XIRP2: variants seen among roughly 807,000 people sequenced by gnomAD.
XIRP2 encodes xin actin binding repeat containing 2.
In XIRP2, 236 loss-of-function variants were observed where a neutral mutation model predicts 277.0. The observed-to-expected ratio is 0.85, with a 90% confidence interval of 0.77 to 0.95. The LOEUF is 0.95. Among genes scored for constraint, XIRP2 ranks in the 40% least tolerant of loss-of-function variants. XIRP2 has a pLI of 0.00. For synonymous variants in XIRP2, 1,490 were observed against 1,416.5 expected (o/e 1.05, Z -1.17); for missense variants, 4,640 against 4,157.5 (o/e 1.12, Z -3.19).
At chr2:167,004,235 A>T (rs1454054360) in intron 2 of XIRP2, among the ~76,000 whole-genome samples, 1 of 151,882 alleles carries the variant, frequency 6.6e-6, no homozygotes, top group Non-Finnish European at 1.5e-5. Context: ...TTTTAGCTGC[A>T]GGTATGCATA....
chr2:166,897,003 G>A (rs1023905518), intron 1 of XIRP2, among the ~76,000 whole-genome samples: 3 of 152,168 alleles, frequency 2.0e-5, no homozygotes, highest in Non-Finnish European at 4.4e-5. Flanking sequence ...GGCTAGATGT[G>A]TAGTAAGCTA....
intron 3 of XIRP2, among the ~76,000 whole-genome samples, chr2:167,139,909 C>T (rs896787468): frequency 2.0e-5 from 3 of 152,142 alleles, no homozygotes; most frequent in Admixed American, 2.0e-4. Context: ...TGTAAATCGT[C>T]ATGATATTGG....
intron 3 of XIRP2, among the ~76,000 whole-genome samples, chr2:167,163,403 T>C (rs987971131): frequency 6.6e-6 from 1 of 152,214 alleles, no homozygotes; most frequent in African/African-American, 2.4e-5. Flanking sequence ...AATTAGCATT[T>C]TCCTGATGAC....
intron 2 of XIRP2, among the ~76,000 whole-genome samples, chr2:166,939,761 G>A (rs1685647018): frequency 6.6e-6 from 1 of 150,508 alleles, no homozygotes; most frequent in Non-Finnish European, 1.5e-5. Context: ...CTTTAAGAAC[G>A]TTGAATATTG....
chr2:167,073,814 C>A (rs1261117178), intron 2 of XIRP2, among the ~76,000 whole-genome samples: 1 of 152,110 alleles, frequency 6.6e-6, no homozygotes, highest in Non-Finnish European at 1.5e-5. Flanking sequence ...TAATGTCTTT[C>A]ATGCTAAGCA....
At chr2:167,181,152 G>T (rs1692996388) in intron 3 of XIRP2, among the ~76,000 whole-genome samples, 1 of 152,156 alleles carries the variant, frequency 6.6e-6, no homozygotes, top group Non-Finnish European at 1.5e-5. Flanking sequence ...GTGTGCATAG[G>T]TATATAATGA....
At chr2:167,190,438 G>A (rs746593427) in intron 3 of XIRP2, among the ~76,000 whole-genome samples, 13 of 151,862 alleles carry the variant, frequency 8.6e-5, no homozygotes, top group Admixed American at 1.3e-4. Flanking sequence ...AGTCATTCTC[G>A]GGAGACTCCA....
chr2:167,117,204 A>G (rs557972479), intron 2 of XIRP2, among the ~76,000 whole-genome samples: 31 of 152,160 alleles, frequency 2.0e-4, no homozygotes, highest in African/African-American at 7.2e-4. Flanking sequence ...TTTGTGGAGT[A>G]ATTTTGCCTG....
intron 2 of XIRP2, among the ~76,000 whole-genome samples, chr2:166,955,938 G>A (rs147304963): frequency 1.2e-3 from 177 of 151,480 alleles, no homozygotes; most frequent in African/African-American, 4.1e-3. Context: ...CTACATATCT[G>A]GAGTCTCTCA....
intron 5 of XIRP2, among the ~76,000 whole-genome samples, chr2:167,222,360 G>A (rs1396539338): frequency 1.3e-5 from 2 of 152,200 alleles, no homozygotes; most frequent in Non-Finnish European, 2.9e-5. Flanking sequence ...AGAGAGTTAG[G>A]TGGTGGGAAG....
Position 167,206,113 on chromosome 2 carries a change from C to A in XIRP2, c.563-4622C>A, listed in dbSNP as rs1693845846. 3.3e-5 allele frequency among the ~76,000 whole-genome samples: 5 copies of A among 152,260 alleles called. 1 individual carries two copies. The South Asian group carries it at 1.0e-3, about 32-fold the overall frequency. On this transcript the variant is annotated intron_variant, in intron 3 of 10. Transcript: ENST00000409195. Reference sequence around the variant, plus strand: ...TTGTTTCTTTACTACAGACACTCTTCATGTATCTGGATAACTGCAGAATTT... The same window carrying A: ...TTGTTTCTTTACTACAGACACTCTTAATGTATCTGGATAACTGCAGAATTT...
chr2:166,947,232 C>G (rs760517491), intron 2 of XIRP2, among the ~76,000 whole-genome samples: 17 of 152,172 alleles, frequency 1.1e-4, no homozygotes, highest in Non-Finnish European at 2.4e-4. Flanking sequence ...TTTTATAGTA[C>G]CTTTACAACA....
chr2:167,144,183 T>C (rs1032411062), intron 3 of XIRP2, among the ~76,000 whole-genome samples: 4 of 152,104 alleles, frequency 2.6e-5, no homozygotes, highest in Non-Finnish European at 5.9e-5. Context: ...ACACAGATAA[T>C]AATAACACAT....
chr2:167,130,042 A>G (rs1263524233), intron 2 of XIRP2, among the ~76,000 whole-genome samples: 1 of 152,092 alleles, frequency 6.6e-6, no homozygotes, highest in African/African-American at 2.4e-5. Flanking sequence ...AGACTCCACC[A>G]GTACCTCTGG....
chr2:167,114,005 T>A (rs1045796003), intron 2 of XIRP2, among the ~76,000 whole-genome samples: 3 of 152,190 alleles, frequency 2.0e-5, no homozygotes, highest in African/African-American at 7.2e-5. Context: ...GCTTTTAGCC[T>A]GATTTGTTTC....
At chr2:167,111,022 G>C (rs1168560872) in intron 2 of XIRP2, among the ~76,000 whole-genome samples, 1 of 152,066 alleles carries the variant, frequency 6.6e-6, no homozygotes, top group Non-Finnish European at 1.5e-5. Flanking sequence ...CGTTGATTTT[G>C]TATCCTGATG....
intron 3 of XIRP2, chr2:167,187,423 A>G: frequency 1.0e-6 from 1 of 985,324 alleles, no homozygotes; most frequent in Non-Finnish European, 1.2e-6. Flanking sequence ...CTTTCAGGGG[A>G]CTGGGAAATT....
At chr2:167,213,944 C>T (rs982742312) in intron 4 of XIRP2, among the ~76,000 whole-genome samples, 3 of 151,784 alleles carry the variant, frequency 2.0e-5, no homozygotes, top group South Asian at 2.1e-4. Context: ...AAAAATAATC[C>T]GCGGTGGCTC....
intron 2 of XIRP2, among the ~76,000 whole-genome samples, chr2:166,956,576 A>G (rs1448872670): frequency 6.6e-6 from 1 of 151,828 alleles, no homozygotes. Flanking sequence ...TGGTTTAAAT[A>G]ATTACTTGTT....
Sources: allele counts gnomAD v4.1 joint callset (sites outside exome capture counted in the v4.1 genomes callset), GRCh38; gene constraint gnomAD v4.1.1; transcripts MANE v1.5; gene names NCBI Gene and HGNC (gene_info 2026-07-23, HGNC 2026-07-21).